TMEM196: variants seen among roughly 807,000 people sequenced by gnomAD.
TMEM196 encodes transmembrane protein 196.
Under a neutral mutation model 20.0 loss-of-function variants are expected in TMEM196, and 17 were observed. The observed-to-expected ratio is 0.85, with a 90% CI of 0.58 to 1.27. TMEM196 has a LOEUF of 1.27. TMEM196 is among the 50% of genes most tolerant of loss of function. TMEM196 has a pLI of 0.00. For synonymous variants in TMEM196, 113 were observed against 88.9 expected (o/e 1.27, Z -1.52); for missense variants, 267 against 223.0 (o/e 1.20, Z -1.26).
At chr7:19,751,963 T>A (rs147143002) in intron 1 of TMEM196, among the ~76,000 whole-genome samples, 125 of 152,264 alleles carry the variant, frequency 8.2e-4, no homozygotes, top group African/African-American at 2.8e-3. Flanking sequence ...ATTTCAAGGA[T>A]TGTAAGTGGA....
intron 1 of TMEM196, among the ~76,000 whole-genome samples, chr7:19,747,406 G>T (rs1006157271): frequency 6.6e-6 from 1 of 152,130 alleles, no homozygotes; most frequent in African/African-American, 2.4e-5. Flanking sequence ...AACTAAATAT[G>T]TATTTAGGTT....
intron 1 of TMEM196, among the ~76,000 whole-genome samples, chr7:19,742,680 C>T (rs1240103124): frequency 6.6e-6 from 1 of 152,128 alleles, no homozygotes; most frequent in Non-Finnish European, 1.5e-5. Context: ...TTTTGGCTGT[C>T]TTAACAACTG....
In TMEM196 at chr7:19,762,858, A is replaced by G. The variant is rs912604323; in HGVS notation, c.147+9692T>C. On this transcript the variant is annotated intron_variant, in intron 1 of 4. Coordinates refer to ENST00000405844, the MANE Select transcript of TMEM196 (RefSeq NM_001363562.2). ...AGTTATGTTCTTCCCAAGAATTGCCAACACAACAGATGAATGTTCATCCAA... is the reference window on the plus strand; with the variant it reads ...AGTTATGTTCTTCCCAAGAATTGCCGACACAACAGATGAATGTTCATCCAA... Among the ~76,000 whole-genome samples, 13 of 152,222 alleles carry G rather than the reference A, an allele frequency of 8.5e-5. No homozygotes were observed. The East Asian group carries it at 2.3e-3, about 27-fold the overall frequency.
In TMEM196 at chr7:19,725,701, C is replaced by T. The variant is rs372571256; in HGVS notation, c.272G>A (p.Arg91Gln). 84 of 1,613,168 alleles carry T rather than the reference C, an allele frequency of 5.2e-5. No homozygotes were observed. The highest frequency in any genetic ancestry group is 8.0e-5 in the African/African-American group (6 of 74,824). ...IGGILNFQFL[R>Q]AVTKKTSSLY... Reference sequence around the variant, plus strand: ...GGAGGAAGTTTTCTTTGTGACTGCCCGGAGGAACTGAAAATTCAGGATGCC... The same window carrying T: ...GGAGGAAGTTTTCTTTGTGACTGCCTGGAGGAACTGAAAATTCAGGATGCC... Residue 91 changes from arginine to glutamine, a missense_variant, in exon 3 of 5, where the codon CGG becomes CAG. Transcript: ENST00000405844.
chr7:19,770,814 G>GA (rs915522056), intron 1 of TMEM196, among the ~76,000 whole-genome samples: 12 of 152,048 alleles, frequency 7.9e-5, no homozygotes, highest in South Asian at 4.1e-4. Flanking sequence ...CTGAGAAAAA[G>GA]AAAAAATATT....
At chr7:19,754,311 A>C (rs1785115089) in intron 1 of TMEM196, among the ~76,000 whole-genome samples, 1 of 152,190 alleles carries the variant, frequency 6.6e-6, no homozygotes, top group African/African-American at 2.4e-5. Flanking sequence ...AACAACTCTA[A>C]AGCCCTTGGA....
intron 1 of TMEM196, among the ~76,000 whole-genome samples, chr7:19,749,452 C>T (rs1246849591): frequency 1.3e-5 from 2 of 152,232 alleles, no homozygotes; most frequent in Admixed American, 1.3e-4. Context: ...ACACCTTCAT[C>T]TTGCTTTGTG....
At chr7:19,729,508 T>C in intron 1 of TMEM196, 70 bp from the exon 2 acceptor site, 5 of 1,390,476 alleles carry the variant, frequency 3.6e-6, no homozygotes, top group African/African-American at 1.4e-5. Flanking sequence ...TAGCTTGTAG[T>C]TCACTCATGA....
intron 4 of TMEM196, 123 bp downstream of exon 4, chr7:19,724,157 C>G (rs906230065): frequency 1.1e-6 from 1 of 878,966 alleles, no homozygotes. Context: ...GAAAGCGATA[C>G]TTTGAGAAAC....
At chr7:19,742,950 GTT>G (rs1422574543) in intron 1 of TMEM196, among the ~76,000 whole-genome samples, 1 of 152,126 alleles carries the variant, frequency 6.6e-6, no homozygotes, top group Non-Finnish European at 1.5e-5. Flanking sequence ...ATTCCCAGGT[GTT>G]AAGACAGTTG....
intron 1 of TMEM196, among the ~76,000 whole-genome samples, chr7:19,759,403 C>G (rs1011799641): frequency 6.6e-6 from 1 of 152,156 alleles, no homozygotes; most frequent in Non-Finnish European, 1.5e-5. Context: ...CTAAATATTA[C>G]AGTAACTAAA....
chr7:19,721,962 T>A lies in TMEM196; in HGVS notation c.*166A>T, dbSNP rs143257282. On this transcript the variant is annotated 3_prime_UTR_variant, in exon 5 of 5. Transcript: ENST00000405844. ...TATTTTTTAGGAAGAATAATTTTAG[T>A]GGATGCTCAGGAGAGATAAATGCAA... 4 of 852,604 alleles carry A rather than the reference T, an allele frequency of 4.7e-6. No homozygotes were observed. The African/African-American group carries it at 5.4e-5, about 12-fold the overall frequency. The allele number at this position is 852,604 out of a possible 1,614,324, so 52.8% of individuals were successfully genotyped here.
At chr7:19,736,526 G>A (rs1267135922) in intron 1 of TMEM196, among the ~76,000 whole-genome samples, 7 of 151,458 alleles carry the variant, frequency 4.6e-5, no homozygotes. Context: ...AAAAATTAGA[G>A]TATCCGGGGT....
In TMEM196 at chr7:19,773,373, C is replaced by G. The variant is rs1409372466; in HGVS notation, c.-677G>C. ...CTCTTTCCGTCTGGGTTTCTTCTCCCTCGTCGTCGTCCTCTTCCTCCTCCT... is the reference window on the plus strand; with the variant it reads ...CTCTTTCCGTCTGGGTTTCTTCTCCGTCGTCGTCGTCCTCTTCCTCCTCCT... On this transcript the variant is annotated 5_prime_UTR_variant, in exon 1 of 5. Coordinates refer to ENST00000405844, the MANE Select transcript of TMEM196 (RefSeq NM_001363562.2). 6.4e-6 allele frequency: 1 copy of G among 157,166 alleles called. No homozygotes were observed. The highest frequency in any genetic ancestry group is 2.4e-5 in the African/African-American group (1 of 41,536). The allele number at this position is 157,166 out of a possible 1,614,324, so 9.7% of individuals were successfully genotyped here. A position where few individuals can be genotyped will look rare whatever the true frequency, so the allele number is the denominator to read the frequency against.
rs760452039 is a variant in TMEM196, at chr7:19,722,036, T to A, written c.*92A>T. The A allele has an allele frequency of 1.3e-6, 2 of 1,570,584 alleles. No individual in the cohort carries two copies. The highest frequency in any genetic ancestry group is 1.7e-6 in the Non-Finnish European group (2 of 1,145,836). On this transcript the variant is annotated 3_prime_UTR_variant, in exon 5 of 5. Coordinates refer to ENST00000405844, the MANE Select transcript of TMEM196 (RefSeq NM_001363562.2). ...AGTCCTTTGGTGTCTCATTGCCTCA[T>A]GAAAATCCTAAAAAGTGTTCAATTC...
At chr7:19,732,979 G>C (rs184191959) in intron 1 of TMEM196, among the ~76,000 whole-genome samples, 1 of 152,170 alleles carries the variant, frequency 6.6e-6, no homozygotes, top group Admixed American at 6.5e-5. Context: ...TATGTGTAAA[G>C]CCTGAACCAT....
chr7:19,733,042 A>T (rs376189075), intron 1 of TMEM196, among the ~76,000 whole-genome samples: 3 of 151,976 alleles, frequency 2.0e-5, no homozygotes, highest in East Asian at 3.8e-4. Flanking sequence ...TCCAGGGAGG[A>T]TTATTTGCGT....
At chr7:19,745,751 G>C (rs71526305) in intron 1 of TMEM196, among the ~76,000 whole-genome samples, 34,925 of 147,104 alleles carry the variant, frequency 0.24, 5,335 homozygotes, top group East Asian at 0.44. Flanking sequence ...CACCCAGTGA[G>C]CCAGTACTGG....
At chr7:19,743,264 C>G (rs1784639162) in intron 1 of TMEM196, among the ~76,000 whole-genome samples, 1 of 152,026 alleles carries the variant, frequency 6.6e-6, no homozygotes, top group African/African-American at 2.4e-5. Flanking sequence ...AGATAGAGCC[C>G]CTAAGGAATG....
Sources: allele counts gnomAD v4.1 joint callset (sites outside exome capture counted in the v4.1 genomes callset), GRCh38; gene constraint gnomAD v4.1.1; transcripts MANE v1.5; gene names NCBI Gene and HGNC (gene_info 2026-07-23, HGNC 2026-07-21).